The following FHIT variants were observed in gnomAD, a reference collection of about 807,000 sequenced individuals.
The protein encoded by FHIT is bis(5'-adenosyl)-triphosphatase.
A neutral mutation model predicts 17.9 loss-of-function variants in FHIT; 19 were observed. The ratio of observed to expected loss-of-function variants is 1.06; its 90% CI spans 0.74 to 1.56. The LOEUF (loss-of-function observed/expected upper bound fraction) is 1.56. Among genes scored for constraint, FHIT ranks in the 40% most tolerant of loss-of-function variants. The pLI is 0.00. For synonymous variants in FHIT, 81 were observed against 69.7 expected, an observed-to-expected ratio of 1.16 and a Z score of -0.81; for missense variants, 248 against 189.2, an observed-to-expected ratio of 1.31 and a Z score of -1.82.
chr3:59,751,035 C>T (rs1276172578), intron 9 of FHIT: 4 of 159,488 alleles, frequency 2.5e-5, no homozygotes, highest in African/African-American at 1.3e-4. Context: ...ATTCTAAAAA[C>T]AAAAAAGAAA....
At chr3:60,499,394 A>C (rs1291645030) in intron 5 of FHIT, among the ~76,000 whole-genome samples, 1 of 152,016 alleles carries the variant, frequency 6.6e-6, no homozygotes, top group Admixed American at 6.5e-5. Flanking sequence ...TCACCCCCAC[A>C]GGTCTTCGTG....
intron 1 of FHIT, among the ~76,000 whole-genome samples, chr3:61,249,933 AACACACACACACACACACACACACAC>A (rs71100943): frequency 1.7e-4 from 21 of 126,120 alleles, no homozygotes; most frequent in East Asian, 4.4e-4. Flanking sequence ...AATCAATAAC[AACACACACACACACACACACACACAC>A]ACACACACAC....
At chr3:59,938,798 C>G (rs1320113802) in intron 7 of FHIT, among the ~76,000 whole-genome samples, 1 of 151,996 alleles carries the variant, frequency 6.6e-6, no homozygotes, top group African/African-American at 2.4e-5. Flanking sequence ...GAAAAACCAC[C>G]CCCTAACTAA....
At chr3:61,015,746 G>C (rs2032073902) in intron 3 of FHIT, among the ~76,000 whole-genome samples, 1 of 152,036 alleles carries the variant, frequency 6.6e-6, no homozygotes, top group Non-Finnish European at 1.5e-5. Context: ...CTTTAGTATA[G>C]CAATTACAGG....
At chr3:60,192,186 G>C (rs114111306) in intron 5 of FHIT, among the ~76,000 whole-genome samples, 4,997 of 150,934 alleles carry the variant, frequency 0.033, 109 homozygotes, top group Middle Eastern at 0.11. Context: ...GGGAGGCGGA[G>C]GTTGCAGTGA....
At chr3:59,914,881 A>G (rs1294776659) in intron 8 of FHIT, among the ~76,000 whole-genome samples, 1 of 152,010 alleles carries the variant, frequency 6.6e-6, no homozygotes, top group Non-Finnish European at 1.5e-5. Flanking sequence ...TGGAAAAACT[A>G]CTGAGGTCTT....
intron 7 of FHIT, among the ~76,000 whole-genome samples, chr3:59,985,006 G>C (rs927610530): frequency 6.6e-6 from 1 of 152,054 alleles, no homozygotes; most frequent in African/African-American, 2.4e-5. Context: ...TCTCAGATAG[G>C]TATTGGAAAA....
intron 8 of FHIT, among the ~76,000 whole-genome samples, chr3:59,899,138 A>G (rs1559710995): frequency 6.6e-6 from 1 of 152,218 alleles, no homozygotes; most frequent in African/African-American, 2.4e-5. Flanking sequence ...ACCTTGGGCA[A>G]CTGACATAAC....
chr3:61,012,731 G>A (rs984153627), intron 3 of FHIT, among the ~76,000 whole-genome samples: 1 of 151,188 alleles, frequency 6.6e-6, no homozygotes, highest in Non-Finnish European at 1.5e-5. Flanking sequence ...CATATTTTTT[G>A]TTTTGATCAA....
At chr3:59,875,573 A>G (rs894620066) in intron 8 of FHIT, among the ~76,000 whole-genome samples, 2 of 152,182 alleles carry the variant, frequency 1.3e-5, no homozygotes, top group Admixed American at 6.5e-5. Context: ...TATTTTTGTG[A>G]TATCAGGAGC....
In FHIT at chr3:60,769,704, G is replaced by A. The variant is rs1461429898; in HGVS notation, c.-18+52215C>T. Among the ~76,000 whole-genome samples, 3 of 152,226 alleles carry A rather than the reference G, an allele frequency of 2.0e-5. No individual in the cohort carries two copies. The East Asian group carries it at 5.8e-4, about 29-fold the overall frequency. ...TCAGTGTTTGCCTTGTGTGAACGCAGTTTGAACATTCAGCAGTCTATGTGT... is the reference window on the plus strand; with the variant it reads ...TCAGTGTTTGCCTTGTGTGAACGCAATTTGAACATTCAGCAGTCTATGTGT... On this transcript the variant is annotated intron_variant, in intron 4 of 9. Transcript: ENST00000492590.
At chr3:60,234,343 AACT>A (rs1370918286) in intron 5 of FHIT, among the ~76,000 whole-genome samples, 3 of 152,242 alleles carry the variant, frequency 2.0e-5, no homozygotes, top group Admixed American at 1.3e-4. Flanking sequence ...CATAATGAAT[AACT>A]ACTTACACAT....
At chr3:61,073,192 A>G (rs1444472853) in intron 2 of FHIT, among the ~76,000 whole-genome samples, 3 of 152,200 alleles carry the variant, frequency 2.0e-5, no homozygotes, top group Non-Finnish European at 2.9e-5. Context: ...GGTTCCCTAG[A>G]TAGATCAGGA....
chr3:60,887,265 C>G (rs1705268430), intron 3 of FHIT, among the ~76,000 whole-genome samples: 1 of 152,114 alleles, frequency 6.6e-6, no homozygotes, highest in Non-Finnish European at 1.5e-5. Flanking sequence ...TTGTTCAGTT[C>G]TGTTAGGACT....
At chr3:60,015,572 T>G (rs1700312475) in intron 5 of FHIT, among the ~76,000 whole-genome samples, 1 of 152,156 alleles carries the variant, frequency 6.6e-6, no homozygotes, top group African/African-American at 2.4e-5. Context: ...AAGCTGCTTT[T>G]TCTGTGTTAA....
intron 5 of FHIT, among the ~76,000 whole-genome samples, chr3:60,049,352 T>C (rs959230828): frequency 1.7e-4 from 26 of 152,332 alleles, no homozygotes; most frequent in African/African-American, 6.0e-4. Context: ...CTCATGCAAG[T>C]GGAAAACTAA....
intron 5 of FHIT, among the ~76,000 whole-genome samples, chr3:60,047,992 A>G (rs926066010): frequency 2.0e-5 from 3 of 152,202 alleles, no homozygotes; most frequent in Admixed American, 6.5e-5. Flanking sequence ...TGAAAGTCCA[A>G]GATCAAGGCA....
chr3:59,949,763 T>G (rs550311391), intron 7 of FHIT, among the ~76,000 whole-genome samples: 1 of 152,246 alleles, frequency 6.6e-6, no homozygotes, highest in East Asian at 1.9e-4. Flanking sequence ...TGTGTTTACA[T>G]ATGAACATCA....
At chr3:60,526,950 T>C (rs2035597984) in intron 5 of FHIT, among the ~76,000 whole-genome samples, 1 of 152,324 alleles carries the variant, frequency 6.6e-6, no homozygotes, top group South Asian at 2.1e-4. Context: ...TGTCGATCTT[T>C]GTCCTCACGT....
Sources: allele counts gnomAD v4.1 joint callset (sites outside exome capture counted in the v4.1 genomes callset), GRCh38; gene constraint gnomAD v4.1.1; transcripts MANE v1.5; gene names NCBI Gene and HGNC (gene_info 2026-07-23, HGNC 2026-07-21).